The following ACADSB variants were observed in gnomAD, a reference collection of about 807,000 sequenced individuals.
ACADSB encodes short/branched chain specific acyl-CoA dehydrogenase, mitochondrial.
In ACADSB, 40 loss-of-function variants were observed where a neutral mutation model predicts 54.1. That is an observed-to-expected ratio of 0.74 (90% CI 0.57 to 0.96). The LOEUF (loss-of-function observed/expected upper bound fraction) is 0.96. Ranked by LOEUF, ACADSB falls within the 40% of genes least tolerant of loss-of-function variation. The pLI is 0.00. For missense variants in ACADSB, 530 were observed against 510.4 expected (o/e 1.04, Z -0.37); for synonymous variants, 182 against 182.8 (o/e 1.00, Z 0.03).
At position 123,034,534 on chromosome 10, in the gene ACADSB, G is replaced by T; in HGVS notation, c.202+19G>T. On this transcript the variant is annotated intron_variant, in intron 2 of 10. Coordinates refer to ENST00000358776, the MANE Select transcript of ACADSB (RefSeq NM_001609.4). ...AGTTCAGGTAAGTAAATTTATCAGT[G>T]TCACCTTTTTCTCCCCAGACAGGAT... 1 of 1,600,922 alleles carries T rather than the reference G, an allele frequency of 6.2e-7. No homozygotes were observed.
intron 1 of ACADSB, among the ~76,000 whole-genome samples, chr10:123,032,281 G>T (rs17660222): frequency 2.6e-5 from 4 of 151,718 alleles, no homozygotes; most frequent in Non-Finnish European, 5.9e-5. Context: ...ACCCGGCCTC[G>T]TGAGCTTTCT....
intron 1 of ACADSB, among the ~76,000 whole-genome samples, chr10:123,014,599 G>T (rs1400860787): frequency 2.6e-5 from 4 of 152,136 alleles, no homozygotes; most frequent in Admixed American, 2.6e-4. Context: ...TAAGTTTTGG[G>T]GATCTGTAGG....
At chr10:123,049,676 G>A (rs758770705) in intron 8 of ACADSB, among the ~76,000 whole-genome samples, 5 of 152,134 alleles carry the variant, frequency 3.3e-5, no homozygotes, top group Non-Finnish European at 7.4e-5. Context: ...GATAGAAATG[G>A]CATTACAGAT....
At chr10:123,046,573 A>G (rs1479111427) in intron 7 of ACADSB, among the ~76,000 whole-genome samples, 4 of 152,054 alleles carry the variant, frequency 2.6e-5, no homozygotes, top group Non-Finnish European at 2.9e-5. Flanking sequence ...TTTAGGTCAC[A>G]CTCCTTCACC....
intron 5 of ACADSB, among the ~76,000 whole-genome samples, chr10:123,042,397 TTTTTTCACCA>T (rs1850486903): frequency 6.6e-6 from 1 of 152,100 alleles, no homozygotes; most frequent in African/African-American, 2.4e-5. Context: ...AATAAATACA[TTTTTTCACCA>T]GTAAATACAG....
intron 8 of ACADSB, 90 bp from the exon 9 acceptor site, chr10:123,050,959 G>A (rs1227340391): frequency 2.2e-6 from 3 of 1,391,804 alleles, no homozygotes; most frequent in Admixed American, 2.0e-5. Context: ...TTTTGAGTCT[G>A]TCAGTGTTGT....
At chr10:123,048,973 C>T (rs574124795) in intron 8 of ACADSB, among the ~76,000 whole-genome samples, 1 of 152,290 alleles carries the variant, frequency 6.6e-6, no homozygotes, top group South Asian at 2.1e-4. Flanking sequence ...GCTTCGGCCT[C>T]CCAAAGTGCT....
At chr10:123,012,308 G>C (rs1348100148) in intron 1 of ACADSB, among the ~76,000 whole-genome samples, 1 of 152,150 alleles carries the variant, frequency 6.6e-6, no homozygotes, top group Non-Finnish European at 1.5e-5. Context: ...CATATATTTG[G>C]CATCCAGGTA....
In ACADSB at chr10:123,041,324, G is replaced by C. The variant is rs1850470044; in HGVS notation, c.626G>C (p.Ser209Thr). 1.2e-6 allele frequency: 2 copies of C among 1,614,088 alleles called. No homozygotes were observed. The highest frequency in any genetic ancestry group is 3.3e-5 in the Admixed American group (2 of 60,008). ...CTCAATGGATCAAAGATGTGGATCA[G>C]CAGTGCTGAGCACGCAGGGCTCTTT... ...YVLNGSKMWISSAEHAGLFLV... is the reference protein window; with the variant it reads ...YVLNGSKMWITSAEHAGLFLV... The change falls in exon 5 of 11, where the codon AGC (serine) becomes ACC (threonine). Residue 209 changes from serine (S) to threonine (T), a missense_variant. Coordinates refer to ENST00000358776, the MANE Select transcript of ACADSB (RefSeq NM_001609.4).
intron 1 of ACADSB, among the ~76,000 whole-genome samples, chr10:123,013,087 T>C (rs1286249772): frequency 1.3e-5 from 2 of 152,176 alleles, no homozygotes; most frequent in Non-Finnish European, 1.5e-5. Context: ...TGCTGATTGG[T>C]GTATTTACAA....
chr10:123,039,914 C>G (rs1025494822), intron 3 of ACADSB, among the ~76,000 whole-genome samples: 2 of 152,042 alleles, frequency 1.3e-5, no homozygotes, highest in African/African-American at 2.4e-5. Flanking sequence ...TTTTTTGAAT[C>G]CCAAAAGGAA....
intron 3 of ACADSB, among the ~76,000 whole-genome samples, chr10:123,039,061 T>C (rs1460525559): frequency 6.6e-6 from 1 of 152,244 alleles, no homozygotes; most frequent in Non-Finnish European, 1.5e-5. Flanking sequence ...CAGCCTCACC[T>C]GCCTCCTCAC....
At chr10:123,016,174 G>T (rs1230916664) in intron 1 of ACADSB, among the ~76,000 whole-genome samples, 2 of 152,228 alleles carry the variant, frequency 1.3e-5, no homozygotes, top group African/African-American at 4.8e-5. Context: ...CTAGAAAGTG[G>T]ACCAGTGCTA....
At chr10:123,012,455 G>A (rs1332048621) in intron 1 of ACADSB, among the ~76,000 whole-genome samples, 1 of 152,162 alleles carries the variant, frequency 6.6e-6, no homozygotes, top group African/African-American at 2.4e-5. Flanking sequence ...GTGGGTTCTT[G>A]GTCTCACTGA....
At chr10:123,047,685 T>C (rs1250537591) in intron 8 of ACADSB, among the ~76,000 whole-genome samples, 1 of 152,110 alleles carries the variant, frequency 6.6e-6, no homozygotes, top group Non-Finnish European at 1.5e-5. Flanking sequence ...ATCTGTAAAA[T>C]AAAGGTAAAA....
chr10:123,023,129 A>G (rs748593575), intron 1 of ACADSB, among the ~76,000 whole-genome samples: 1 of 152,186 alleles, frequency 6.6e-6, no homozygotes, highest in Non-Finnish European at 1.5e-5. Context: ...ACATTAAATT[A>G]CTCTCATTTG....
chr10:123,052,959 G>T lies in ACADSB; in HGVS notation c.1129-102G>T. 1 of 863,842 alleles carries T rather than the reference G, an allele frequency of 1.2e-6. No individual in the cohort carries two copies. The highest frequency in any genetic ancestry group is 2.0e-6 in the Non-Finnish European group (1 of 509,852). 53.5% of individuals were successfully genotyped at this position (863,842 alleles called of 1,614,324 possible). On this transcript the variant is annotated intron_variant, in intron 9 of 10. Coordinates refer to ENST00000358776, the MANE Select transcript of ACADSB (RefSeq NM_001609.4). The surrounding 1 kb of genome is among the most constrained non-coding windows in gnomAD (Gnocchi z 4.2). ...AGAAGATAACTTTAGTCCTTCCAGT[G>T]CCACTAACAGTAAATCCATGTTGCT...
chr10:123,036,346 C>CA (rs540144677), intron 2 of ACADSB, among the ~76,000 whole-genome samples: 378 of 152,354 alleles, frequency 2.5e-3, no homozygotes, highest in Middle Eastern at 0.017. Flanking sequence ...CTCGGCCTCT[C>CA]AAAGTGTTGG....
intron 6 of ACADSB, 39 bp downstream of exon 6, chr10:123,043,210 A>G (rs1225451941): frequency 6.2e-7 from 1 of 1,610,908 alleles, no homozygotes; most frequent in Non-Finnish European, 8.5e-7. Flanking sequence ...ACTGATGCGA[A>G]ATAAGCCTTG....
Sources: allele counts gnomAD v4.1 joint callset (sites outside exome capture counted in the v4.1 genomes callset), GRCh38; gene constraint gnomAD v4.1.1; non-coding constraint Gnocchi (gnomAD v3.1); transcripts MANE v1.5; gene names NCBI Gene and HGNC (gene_info 2026-07-23, HGNC 2026-07-21).